Variants in CCDC13 observed in about 807,000 individuals in gnomAD.
CCDC13 encodes coiled-coil domain containing 13, also known as coiled-coil domain-containing protein 13.
A neutral mutation model predicts 87.3 loss-of-function variants in CCDC13; 70 were observed. That is an observed-to-expected ratio of 0.80 (90% CI 0.66 to 0.98). The LOEUF (loss-of-function observed/expected upper bound fraction) is 0.98, where lower values mean the gene tolerates loss of function less well. Ranked by LOEUF, CCDC13 falls within the 50% of genes least tolerant of loss-of-function variation. The pLI is 0.00. For synonymous variants in CCDC13, 317 were observed against 360.3 expected, an observed-to-expected ratio of 0.88 and a Z score of 1.36; for missense variants, 842 against 892.0, an observed-to-expected ratio of 0.94 and a Z score of 0.71.
chr3:42,758,239 T>C lies in CCDC13; in HGVS notation c.107A>G (p.Lys36Arg). The change falls in exon 2 of 16, where the codon AAA becomes AGA. Residue 36 changes from lysine (K) to arginine (R), a missense_variant. Transcript: ENST00000310232. ...AGCTCTGCTTTTGAGGCTCAGTTCTTTTTCCCTCTTTTTCTCCATCTGCTT... is the reference window on the plus strand; with the variant it reads ...AGCTCTGCTTTTGAGGCTCAGTTCTCTTTCCCTCTTTTTCTCCATCTGCTT... ...LQKQMEKKREKELSLKSRADD... is the reference protein window; with the variant it reads ...LQKQMEKKRERELSLKSRADD... 1 of 1,613,894 alleles carries C rather than the reference T, an allele frequency of 6.2e-7. No homozygotes were observed. The highest frequency in any genetic ancestry group is 8.5e-7 in the Non-Finnish European group (1 of 1,180,026).
intron 13 of CCDC13, 32 bp downstream of exon 13, chr3:42,730,435 T>C: frequency 1.9e-6 from 3 of 1,607,812 alleles, no homozygotes; most frequent in Non-Finnish European, 2.6e-6. Context: ...CATGCAGGCC[T>C]ATGGGAGAGA....
chr3:42,743,010 C>T lies in CCDC13; in HGVS notation c.873G>A (p.Ala291=), dbSNP rs149542435. The T allele has an allele frequency of 6.2e-6, 10 of 1,614,144 alleles. No homozygotes were observed. The highest frequency in any genetic ancestry group is 4.5e-5 in the East Asian group (2 of 44,884). The change falls in exon 8 of 16, where the codon GCG becomes GCA. Residue 291 remains alanine, a synonymous_variant. Coordinates refer to ENST00000310232, the MANE Select transcript of CCDC13 (RefSeq NM_144719.4). Reference sequence around the variant, plus strand: ...CAGACAACTCATCACTGGCTGTTCCCGCAGACTGGCTCCGGGCCTGGCCCA... The same window carrying T: ...CAGACAACTCATCACTGGCTGTTCCTGCAGACTGGCTCCGGGCCTGGCCCA... ...KQLGQARSQS[A]GTASDELSVY... is the part of the protein sequence containing the mutation.
At chr3:42,756,817 T>G (rs2125908622) in intron 3 of CCDC13, among the ~76,000 whole-genome samples, 1 of 152,310 alleles carries the variant, frequency 6.6e-6, no homozygotes, top group African/African-American at 2.4e-5. Flanking sequence ...GATGCTTGCC[T>G]GCTGGCCCTT....
chr3:42,711,008 G>A (rs895624831), intron 14 of CCDC13, among the ~76,000 whole-genome samples: 2 of 152,062 alleles, frequency 1.3e-5, no homozygotes, highest in Non-Finnish European at 2.9e-5. Context: ...CACTTTGGGA[G>A]GTCTAGGGGG....
intron 8 of CCDC13, chr3:42,741,047 G>A (rs1326575074): frequency 2.6e-5 from 4 of 152,132 alleles, no homozygotes; most frequent in Non-Finnish European, 5.9e-5. Flanking sequence ...GCAGCTTATG[G>A]TCAGCCCAAC....
intron 14 of CCDC13, among the ~76,000 whole-genome samples, chr3:42,711,921 C>A (rs1445370375): frequency 6.6e-6 from 1 of 152,160 alleles, no homozygotes. Flanking sequence ...GGTTGGAAGT[C>A]CTGCTGCCCT....
intron 1 of CCDC13, among the ~76,000 whole-genome samples, chr3:42,771,752 C>G (rs939343381): frequency 1.3e-5 from 2 of 148,584 alleles, no homozygotes; most frequent in Non-Finnish European, 3.0e-5. Context: ...GAGACCCTGT[C>G]TCAATACAGC....
rs1416164421 is a variant in CCDC13 at position 42,752,527 on chromosome 3, C to T, written c.513+48G>A. The T allele has an allele frequency of 2.5e-6, 4 of 1,610,452 alleles. No individual in the cohort carries two copies. The African/African-American group carries it at 4.0e-5, about 16-fold the overall frequency. On this transcript the variant is annotated intron_variant, in intron 4 of 15. Transcript: ENST00000310232. ...GAGAAGCTAGGGAGGTTCCCTCTTGCCCATGCTAGGAGTCCCCTCCAGAGG... is the reference window on the plus strand; with the variant it reads ...GAGAAGCTAGGGAGGTTCCCTCTTGTCCATGCTAGGAGTCCCCTCCAGAGG...
At chr3:42,745,848 G>A in intron 7 of CCDC13, 75 bp downstream of exon 7, 2 of 1,190,988 alleles carry the variant, frequency 1.7e-6, no homozygotes, top group Non-Finnish European at 1.2e-6. Context: ...AGGTCTCTAA[G>A]GGGGTCAGGG....
intron 1 of CCDC13, among the ~76,000 whole-genome samples, chr3:42,772,288 A>AGT (rs1193529153): frequency 3.7e-5 from 3 of 81,790 alleles, no homozygotes; most frequent in Admixed American, 1.4e-4. Flanking sequence ...AAAAAAAAAA[A>AGT]AAGTAATAAT....
intron 9 of CCDC13, among the ~76,000 whole-genome samples, chr3:42,738,498 G>C (rs1207554208): frequency 6.6e-6 from 1 of 152,068 alleles, no homozygotes; most frequent in African/African-American, 2.4e-5. Flanking sequence ...AAATTACTTT[G>C]GGCAGTATGG....
chr3:42,710,137 T>G (rs1575264558), intron 14 of CCDC13, among the ~76,000 whole-genome samples: 2 of 148,314 alleles, frequency 1.3e-5, no homozygotes, highest in Non-Finnish European at 1.5e-5. Context: ...TGAGACAGAG[T>G]CTTGCTCTGT....
At chr3:42,731,596 T>C (rs1017721579) in intron 12 of CCDC13, among the ~76,000 whole-genome samples, 2 of 152,110 alleles carry the variant, frequency 1.3e-5, no homozygotes, top group Admixed American at 1.3e-4. Flanking sequence ...CAGCAGGGGC[T>C]CTGTGTGTGC....
chr3:42,710,879 C>A (rs1219008013), intron 14 of CCDC13, among the ~76,000 whole-genome samples: 2 of 152,128 alleles, frequency 1.3e-5, no homozygotes, highest in Non-Finnish European at 2.9e-5. Flanking sequence ...ACATCCCCAA[C>A]TAGAGCTGCC....
chr3:42,730,532 G>A lies in CCDC13; in HGVS notation c.1653C>T (p.Ala551=). The A allele has an allele frequency of 6.2e-7, 1 of 1,614,168 alleles. No individual in the cohort carries two copies. The highest frequency in any genetic ancestry group is 1.7e-4 in the Middle Eastern group (1 of 6,060). Residue 551 remains alanine, a synonymous_variant, in exon 13 of 16, where the codon GCC becomes GCT. Coordinates refer to ENST00000310232, the MANE Select transcript of CCDC13 (RefSeq NM_144719.4). ...GWQAQVSEIK[A]LWQAAEVERD... is the part of the protein sequence containing the mutation. ...GCTCCACCTCGGCAGCCTGCCAGAG[G>A]GCCTTGATCTCTGACACTTGTGCCT...
chr3:42,726,532 A>G (rs1451354699), intron 13 of CCDC13, among the ~76,000 whole-genome samples: 1 of 152,176 alleles, frequency 6.6e-6, no homozygotes, highest in Non-Finnish European at 1.5e-5. Context: ...GGAATTTTAG[A>G]TTAAAAGAAT....
intron 13 of CCDC13, among the ~76,000 whole-genome samples, chr3:42,716,894 A>G (rs1300716036): frequency 1.3e-5 from 2 of 152,232 alleles, no homozygotes; most frequent in Admixed American, 6.5e-5. Context: ...ATTATTCACA[A>G]TAGCCAAAAA....
At chr3:42,736,674 G>A (rs1038126640) in intron 9 of CCDC13, among the ~76,000 whole-genome samples, 2 of 152,052 alleles carry the variant, frequency 1.3e-5, no homozygotes, top group African/African-American at 2.4e-5. Flanking sequence ...CTAGATTTCT[G>A]GTCTTCTGTG....
intron 13 of CCDC13, among the ~76,000 whole-genome samples, chr3:42,730,259 T>G (rs936830484): frequency 6.6e-6 from 1 of 151,752 alleles, no homozygotes; most frequent in Non-Finnish European, 1.5e-5. Context: ...ATTGGGTGCA[T>G]GTAGAATGGG....
Sources: allele counts gnomAD v4.1 joint callset (sites outside exome capture counted in the v4.1 genomes callset), GRCh38; gene constraint gnomAD v4.1.1; transcripts MANE v1.5; gene names NCBI Gene and HGNC (gene_info 2026-07-23, HGNC 2026-07-21).